The following DDX19A variants were observed in gnomAD, a reference collection of about 807,000 sequenced individuals.
The protein encoded by DDX19A is ATP-dependent RNA helicase DDX19A.
Under a neutral mutation model 60.6 loss-of-function variants are expected in DDX19A, and 12 were observed. The observed-to-expected ratio is 0.20, with a 90% confidence interval of 0.13 to 0.32. DDX19A has a LOEUF of 0.32. Among genes scored for constraint, DDX19A ranks in the 10% least tolerant of loss-of-function variants. The pLI is 1.00. For missense variants in DDX19A, 337 were observed against 600.6 expected, an observed-to-expected ratio of 0.56 and a Z score of 4.59; for synonymous variants, 206 against 218.2, an observed-to-expected ratio of 0.94 and a Z score of 0.49.
chr16:70,354,773 T>C (rs1964131212), intron 2 of DDX19A, among the ~76,000 whole-genome samples: 1 of 152,086 alleles, frequency 6.6e-6, no homozygotes, highest in South Asian at 2.1e-4. Flanking sequence ...CAAGACTCCA[T>C]CTCTACGAAA....
chr16:70,351,080 C>T (rs903671751), intron 2 of DDX19A, among the ~76,000 whole-genome samples: 13 of 149,844 alleles, frequency 8.7e-5, no homozygotes, highest in South Asian at 2.1e-4. Context: ...GATAGGGTTT[C>T]GCCGTGTTAG....
intron 1 of DDX19A, among the ~76,000 whole-genome samples, chr16:70,348,795 A>C (rs1963929533): frequency 1.3e-5 from 2 of 151,850 alleles, no homozygotes; most frequent in Non-Finnish European, 2.9e-5. Flanking sequence ...AAAAAAAATT[A>C]GCTGGGCGGG....
chr16:70,372,456 G>T lies in DDX19A; in HGVS notation c.*470G>T. On this transcript the variant is annotated 3_prime_UTR_variant, in exon 12 of 12. Transcript: ENST00000302243. Reference sequence around the variant, plus strand: ...CTGCCCCCTCTCTGTCTCTTCAATGGACCCTTCACAAGTGTTTCTCCTGCC... The same window carrying T: ...CTGCCCCCTCTCTGTCTCTTCAATGTACCCTTCACAAGTGTTTCTCCTGCC... The T allele has an allele frequency of 5.0e-6, 1 of 198,098 alleles. No individual in the cohort carries two copies. The highest frequency in any genetic ancestry group is 8.4e-5 in the South Asian group (1 of 11,848). 12.3% of individuals were successfully genotyped at this position (198,098 alleles called of 1,614,324 possible). A position where few individuals can be genotyped will look rare whatever the true frequency, so the allele number is the denominator to read the frequency against.
intron 9 of DDX19A, among the ~76,000 whole-genome samples, chr16:70,368,051 C>T (rs1964571309): frequency 1.3e-5 from 2 of 152,140 alleles, no homozygotes. Context: ...GTGGCACACA[C>T]CTGTAGTCTC....
At chr16:70,365,828 A>C (rs1185417263) in intron 7 of DDX19A, 1 of 562,906 alleles carries the variant, frequency 1.8e-6, no homozygotes, top group East Asian at 3.1e-5. Context: ...ATGTTGGATT[A>C]TAGGAGGAAG....
Position 70,350,195 on chromosome 16 carries a change from G to A in DDX19A, c.58-362G>A, listed in dbSNP as rs60796289. On this transcript the variant is annotated intron_variant, in intron 1 of 11. Coordinates refer to ENST00000302243, the MANE Select transcript of DDX19A (RefSeq NM_018332.5). ...TAGAACCCAGGAGGTTGAGGCCGCA[G>A]TGAGCCATGATCGTGCTGCTGTACT... 2.4e-3 allele frequency among the ~76,000 whole-genome samples: 370 copies of A among 152,262 alleles called. 2 individuals are homozygous for A. Among genetic ancestry groups the A allele is most frequent in the East Asian group, 0.023 (121 of 5,182 alleles).
Position 70,372,283 on chromosome 16 carries a change from T to G in DDX19A, c.*297T>G. On this transcript the variant is annotated 3_prime_UTR_variant, in exon 12 of 12. Transcript: ENST00000302243. ...GGTAGTCGCTGGCCCCAGGACCCCC[T>G]CCTGATTTTGGCTAGGCATCGTGGA... The G allele has an allele frequency of 4.1e-6, 2 of 485,546 alleles. No individual in the cohort carries two copies. The highest frequency in any genetic ancestry group is 3.5e-5 in the Admixed American group (1 of 28,480). 30.1% of individuals were successfully genotyped at this position (485,546 alleles called of 1,614,324 possible). A position where few individuals can be genotyped will look rare whatever the true frequency, so the allele number is the denominator to read the frequency against.
At chr16:70,349,880 T>C (rs1963960591) in intron 1 of DDX19A, among the ~76,000 whole-genome samples, 1 of 152,246 alleles carries the variant, frequency 6.6e-6, no homozygotes, top group Non-Finnish European at 1.5e-5. Context: ...AAATAAAGGC[T>C]TCCTAATAGT....
intron 10 of DDX19A, 141 bp from the exon 11 acceptor site, chr16:70,371,231 C>A: frequency 6.9e-7 from 1 of 1,450,778 alleles, no homozygotes. Flanking sequence ...TATATGTGTG[C>A]CCTCTCTTGT....
intron 9 of DDX19A, among the ~76,000 whole-genome samples, chr16:70,369,478 C>T (rs909120342): frequency 1.3e-5 from 2 of 151,746 alleles, no homozygotes; most frequent in Non-Finnish European, 2.9e-5. Context: ...GCGCCTGGCC[C>T]CCAGGGTAGT....
intron 7 of DDX19A, 193 bp from the exon 8 acceptor site, chr16:70,365,892 C>T (rs2151642059): frequency 1.4e-6 from 1 of 738,558 alleles, no homozygotes; most frequent in Middle Eastern, 3.6e-4. Flanking sequence ...TGATCCTGAC[C>T]ACAGTGCACT....
intron 4 of DDX19A, among the ~76,000 whole-genome samples, chr16:70,357,303 T>G (rs1964230379): frequency 1.4e-5 from 2 of 144,244 alleles, no homozygotes; most frequent in African/African-American, 2.5e-5. Context: ...ATTTAGACTA[T>G]AGGGTTTACA....
chr16:70,347,025 G>A lies in DDX19A; in HGVS notation c.34G>A (p.Glu12Lys). ...CGACTCGTGGGCCCTGGCGGTGGAC[G>A]AGCAGGAAGCGGCTGTCAAGTCGGT... is the stretch of plus-strand genomic sequence containing the variant. ...ATDSWALAVDEQEAAVKSMTN... is the reference protein window; with the variant it reads ...ATDSWALAVDKQEAAVKSMTN... The change falls in exon 1 of 12, where the codon GAG becomes AAG. Residue 12 changes from glutamate (E) to lysine (K), a missense_variant. This residue lies in a region of DDX19A where 127 missense variants were observed against 160.3 expected (regional missense o/e 0.79). Coordinates refer to ENST00000302243, the MANE Select transcript of DDX19A (RefSeq NM_018332.5). 6.2e-7 allele frequency: 1 copy of A among 1,612,654 alleles called. No individual in the cohort carries two copies.
At chr16:70,366,022 C>G in intron 7 of DDX19A, 63 bp from the exon 8 acceptor site, 1 of 1,611,914 alleles carries the variant, frequency 6.2e-7, no homozygotes, top group Non-Finnish European at 8.5e-7. Flanking sequence ...ATGGGCAGGG[C>G]TTTGATTTCC....
At chr16:70,364,291 T>C in intron 5 of DDX19A, 1 of 423,004 alleles carries the variant, frequency 2.4e-6, no homozygotes, top group South Asian at 2.9e-5. Flanking sequence ...TGGGGTCCTT[T>C]AGCTGTGCTA....
intron 9 of DDX19A, 131 bp downstream of exon 9, chr16:70,366,992 C>T (rs1384451304): frequency 1.8e-6 from 2 of 1,096,240 alleles, no homozygotes; most frequent in Admixed American, 2.1e-5. Flanking sequence ...AAGAGACAGG[C>T]TCTCCTTTAG....
intron 8 of DDX19A, 98 bp downstream of exon 8, chr16:70,366,360 G>C: frequency 6.5e-7 from 1 of 1,534,452 alleles, no homozygotes; most frequent in African/African-American, 1.4e-5. Flanking sequence ...CTGGGTCTTG[G>C]CTCTCGTACT....
chr16:70,350,002 A>G (rs1204178355), intron 1 of DDX19A, among the ~76,000 whole-genome samples: 2 of 152,194 alleles, frequency 1.3e-5, no homozygotes, highest in Non-Finnish European at 2.9e-5. Context: ...ATAACCAATG[A>G]AAGTGACAGA....
chr16:70,351,820 G>A lies in DDX19A; in HGVS notation c.106+1215G>A, dbSNP rs898067095. ...TGGGATTACAGGTGTGAGCCACCAC[G>A]CCCGGCCAATTTTATTTTATTTTTT... On this transcript the variant is annotated intron_variant, in intron 2 of 11. Transcript: ENST00000302243. 3.9e-5 allele frequency among the ~76,000 whole-genome samples: 6 copies of A among 152,086 alleles called. No homozygotes were observed. In the East Asian group the frequency reaches 5.8e-4, roughly 15 times the overall value.
Sources: gnomAD v4.1 joint callset for allele counts (sites outside exome capture counted in the v4.1 genomes callset) on GRCh38, gnomAD v4.1.1 for gene constraint, gnomAD v4.1.1 regional missense constraint, MANE v1.5 for transcripts, NCBI Gene and HGNC (gene_info 2026-07-23, HGNC 2026-07-21) for gene names.